Variants in CABIN1 observed in about 807,000 individuals in gnomAD.
CABIN1 encodes calcineurin-binding protein cabin-1.
CABIN1 carries 133 observed loss-of-function variants against 227.7 expected under a neutral mutation model. That is an observed-to-expected ratio of 0.58 (90% CI 0.51 to 0.67). CABIN1 has a LOEUF of 0.67. Ranked by LOEUF, CABIN1 falls within the 30% of genes least tolerant of loss-of-function variation. CABIN1 has a pLI of 0.00. For synonymous variants in CABIN1, 1,086 were observed against 1,155.1 expected, an observed-to-expected ratio of 0.94 and a Z score of 1.21; for missense variants, 2,408 against 2,852.5, an observed-to-expected ratio of 0.84 and a Z score of 3.55.
At position 24,177,337 on chromosome 22, in the gene CABIN1, G is replaced by A. The variant is rs1361372638; in HGVS notation, c.6206-167G>A. On this transcript the variant is annotated intron_variant, in intron 35 of 36. Transcript: ENST00000263119. This position sits in a 1 kb window ranked among gnomAD's most constrained non-coding sequence, Gnocchi z 4.4. ...TCAGAGCCAGAGTTGGGTCCCTGCA[G>A]GCCTGAGCCAAGTATTTGCCCAGGG... 6.6e-6 allele frequency among the ~76,000 whole-genome samples: 1 copy of A among 152,180 alleles called. No homozygotes were observed. Among genetic ancestry groups the A allele is most frequent in the Non-Finnish European group, 1.5e-5 (1 of 68,026 alleles).
At chr22:24,029,058 G>C (rs1027429866) in intron 1 of CABIN1, among the ~76,000 whole-genome samples, 1 of 152,086 alleles carries the variant, frequency 6.6e-6, no homozygotes, top group Non-Finnish European at 1.5e-5. Context: ...GCAGGTACTC[G>C]ATATTTAAAA....
intron 1 of CABIN1, among the ~76,000 whole-genome samples, chr22:24,022,966 A>G (rs2035829860): frequency 6.6e-6 from 1 of 152,184 alleles, no homozygotes; most frequent in Admixed American, 6.5e-5. Context: ...ATTTTAAGTG[A>G]ACAATTCAGT....
chr22:24,172,558 G>A (rs149566871), intron 34 of CABIN1, among the ~76,000 whole-genome samples: 6 of 152,318 alleles, frequency 3.9e-5, no homozygotes, highest in African/African-American at 1.4e-4. Context: ...GCAGGGGCAG[G>A]TCAGGGGGCT....
chr22:24,057,907 C>A (rs1289602069), intron 10 of CABIN1, among the ~76,000 whole-genome samples: 15 of 152,220 alleles, frequency 9.9e-5, no homozygotes, highest in Admixed American at 9.8e-4. Context: ...ACCCTATATT[C>A]CCCTTAGCCC....
chr22:24,162,804 G>A (rs2046233114), intron 29 of CABIN1, among the ~76,000 whole-genome samples: 1 of 152,210 alleles, frequency 6.6e-6, no homozygotes, highest in Admixed American at 6.5e-5. Context: ...AAAAGGAAAC[G>A]GAAAGGAGAT....
At chr22:24,100,397 T>C (rs971568083) in intron 26 of CABIN1, among the ~76,000 whole-genome samples, 3 of 152,216 alleles carry the variant, frequency 2.0e-5, no homozygotes, top group Admixed American at 6.5e-5. Context: ...GCTATACTAG[T>C]TCCTAGGGGA....
chr22:24,094,746 A>G (rs1040850688), intron 24 of CABIN1, among the ~76,000 whole-genome samples: 2 of 148,396 alleles, frequency 1.3e-5, no homozygotes, highest in Non-Finnish European at 3.0e-5. Flanking sequence ...GAACCCGGGA[A>G]GCGGAGCTTG....
At chr22:24,109,109 C>T (rs564734512) in intron 26 of CABIN1, among the ~76,000 whole-genome samples, 7 of 152,054 alleles carry the variant, frequency 4.6e-5, no homozygotes, top group Non-Finnish European at 1.0e-4. Flanking sequence ...ATAATTATGG[C>T]ATTTACAGAG....
At chr22:24,116,482 G>A (rs1340839129) in intron 27 of CABIN1, among the ~76,000 whole-genome samples, 2 of 152,336 alleles carry the variant, frequency 1.3e-5, no homozygotes, top group South Asian at 4.1e-4. Context: ...GTCGGTGGGG[G>A]GAGGCCACCC....
intron 10 of CABIN1, among the ~76,000 whole-genome samples, chr22:24,058,114 C>T (rs560175746): frequency 6.6e-6 from 1 of 152,308 alleles, no homozygotes; most frequent in South Asian, 2.1e-4. Flanking sequence ...TCACTGTGGC[C>T]TTGAACTCCT....
At chr22:24,156,409 G>A in intron 29 of CABIN1, 1 of 261,732 alleles carries the variant, frequency 3.8e-6, no homozygotes, top group Non-Finnish European at 7.2e-6. Context: ...GGGGGCGGCA[G>A]GCGCTGGTGA....
At chr22:24,116,908 G>A (rs973564161) in intron 27 of CABIN1, among the ~76,000 whole-genome samples, 2 of 152,210 alleles carry the variant, frequency 1.3e-5, no homozygotes, top group African/African-American at 4.8e-5. Context: ...CCCTGCCTGC[G>A]GCAGGCACCA....
intron 26 of CABIN1, among the ~76,000 whole-genome samples, chr22:24,099,387 A>G (rs1384230161): frequency 2.0e-5 from 3 of 152,158 alleles, no homozygotes; most frequent in Non-Finnish European, 4.4e-5. Flanking sequence ...GTTTGGATCT[A>G]CAGCATGCGT....
chr22:24,086,731 T>G (rs367619199), intron 22 of CABIN1, among the ~76,000 whole-genome samples: 45 of 152,374 alleles, frequency 3.0e-4, no homozygotes, highest in Middle Eastern at 3.4e-3. Flanking sequence ...TCTTGGTGTC[T>G]CTGTGGCCAT....
intron 1 of CABIN1, among the ~76,000 whole-genome samples, chr22:24,011,886 C>A (rs2034840791): frequency 6.6e-6 from 1 of 152,226 alleles, no homozygotes; most frequent in Non-Finnish European, 1.5e-5. Flanking sequence ...GGGCCCTGGC[C>A]AGATGGAACT....
intron 26 of CABIN1, among the ~76,000 whole-genome samples, chr22:24,110,039 G>A (rs1297653501): frequency 2.6e-5 from 4 of 151,980 alleles, no homozygotes; most frequent in Non-Finnish European, 5.9e-5. Context: ...GGTGTGGTGG[G>A]GCACGCCTGT....
Position 24,064,023 on chromosome 22 carries a change from C to T in CABIN1, c.1885-12C>T, listed in dbSNP as rs747531210. 17 of 1,613,972 alleles carry T rather than the reference C, an allele frequency of 1.1e-5. No individual in the cohort carries two copies. The South Asian group carries it at 1.6e-4, about 16-fold the overall frequency. On this transcript the variant is annotated splice_polypyrimidine_tract_variant and intron_variant, in intron 14 of 36. Transcript: ENST00000263119. ...CTGCTTTGGTTCCCTGACCTGTTTT[C>T]CGTCTAACCAGGGAGACATGGAGCA... is the stretch of plus-strand genomic sequence containing the variant.
At chr22:24,049,692 C>T (rs955169743) in intron 7 of CABIN1, among the ~76,000 whole-genome samples, 3 of 152,332 alleles carry the variant, frequency 2.0e-5, no homozygotes, top group Admixed American at 6.5e-5. Context: ...AGTTCTCCCA[C>T]GTCACCTCCT....
intron 1 of CABIN1, chr22:24,011,671 C>T (rs2034822383): frequency 6.6e-6 from 1 of 152,308 alleles, no homozygotes; most frequent in African/African-American, 2.4e-5. Flanking sequence ...GTGCAAAGCC[C>T]AGCGCGCTAA....
Sources: gnomAD v4.1 joint callset for allele counts (sites outside exome capture counted in the v4.1 genomes callset) on GRCh38, gnomAD v4.1.1 for gene constraint, Gnocchi (gnomAD v3.1) non-coding constraint, MANE v1.5 for transcripts, NCBI Gene and HGNC (gene_info 2026-07-23, HGNC 2026-07-21) for gene names.